LAMP2: variants seen among roughly 807,000 people sequenced by gnomAD.
LAMP2 encodes lysosome associated membrane protein 2, also known as lysosome-associated membrane glycoprotein 2.
Under a neutral mutation model 25.6 loss-of-function variants are expected in LAMP2, and 4 were observed. The observed-to-expected ratio is 0.16, with a 90% CI of 0.08 to 0.36. The LOEUF is 0.36. Among genes scored for constraint, LAMP2 ranks in the 10% least tolerant of loss-of-function variants. LAMP2 has a pLI of 1.00. For synonymous variants in LAMP2, 108 were observed against 112.7 expected, an observed-to-expected ratio of 0.96 and a Z score of 0.27; for missense variants, 272 against 301.4, an observed-to-expected ratio of 0.90 and a Z score of 0.72.
chrX:120,438,174 A>G (rs2058554220), intron 8 of LAMP2: 1 of 752,634 alleles, frequency 1.3e-6, no homozygotes, highest in Non-Finnish European at 1.6e-6. Flanking sequence ...AAGTTATTTT[A>G]TAAGTGTAAG....
At chrX:120,441,998 G>A (rs1285504241) in intron 7 of LAMP2, 104 bp from the exon 8 acceptor site, 1 of 733,621 alleles carries the variant, frequency 1.4e-6, no homozygotes, top group African/African-American at 2.1e-5. Context: ...CAGCACTTTG[G>A]GAAGCCAAGG....
rs1569369724 is a variant in LAMP2, at chrX:120,448,006, G to A, written c.576C>T (p.Asp192=). The A allele has an allele frequency of 8.3e-7, 1 of 1,210,008 alleles. No individual in the cohort carries two copies. Among genetic ancestry groups the A allele is most frequent in the Admixed American group, 2.2e-5 (1 of 45,990 alleles). Residue 192 remains aspartate (D), a synonymous_variant, in exon 5 of 9, where the codon GAC becomes GAT. Coordinates refer to ENST00000200639, the MANE Select transcript of LAMP2 (RefSeq NM_002294.3). ...TGGTGGGTGCCACTGTTGAAGTTTTGTCTTTATCACACAGGAACTCTAAAA... is the reference window on the plus strand; with the variant it reads ...TGGTGGGTGCCACTGTTGAAGTTTTATCTTTATCACACAGGAACTCTAAAA... ...VSTNEFLCDK[D]KTSTVAPTIH...
At position 120,427,168 on chromosome X, in the gene LAMP2, C is replaced by T. The variant is rs1317885695; in HGVS notation, c.*4155G>A. The stretch of plus-strand genomic sequence containing the variant: ...AGGTTCAGGCTTAATTTTTTTAATC[C>T]AAAAAAAATTTCTGAAGTGAAGGCA... On this transcript the variant is annotated 3_prime_UTR_variant, in exon 9 of 9. Transcript: ENST00000200639. 6.3e-5 allele frequency among the ~76,000 whole-genome samples: 7 copies of T among 110,461 alleles called. No homozygotes were observed. The highest frequency in any genetic ancestry group is 2.3e-4 in the African/African-American group (7 of 30,420).
At chrX:120,449,224 G>T in intron 3 of LAMP2, 96 bp from the exon 4 acceptor site, 3 of 683,568 alleles carry the variant, frequency 4.4e-6, no homozygotes, top group Admixed American at 2.8e-5. Flanking sequence ...CTCTCTGCCT[G>T]CCCTACCCCA....
intron 3 of LAMP2, among the ~76,000 whole-genome samples, chrX:120,449,334 G>A (rs996623459): frequency 3.6e-4 from 41 of 112,730 alleles, no homozygotes; most frequent in African/African-American, 1.2e-3. Flanking sequence ...GGGGTTAGGG[G>A]CTGGGCACAG....
At chrX:120,458,120 C>T (rs953488420) in intron 1 of LAMP2, among the ~76,000 whole-genome samples, 3 of 111,857 alleles carry the variant, frequency 2.7e-5, no homozygotes, top group Non-Finnish European at 3.8e-5. Flanking sequence ...AGCTGTTATA[C>T]TTACTGATCC....
At chrX:120,452,691 A>G (rs1313860386) in intron 3 of LAMP2, among the ~76,000 whole-genome samples, 1 of 103,470 alleles carries the variant, frequency 9.7e-6, no homozygotes, top group Non-Finnish European at 2.0e-5. Context: ...CTGGGACCAC[A>G]GGCACACGCC....
intron 3 of LAMP2, among the ~76,000 whole-genome samples, chrX:120,454,292 C>G (rs1178347055): frequency 9.1e-6 from 1 of 109,708 alleles, no homozygotes; most frequent in Non-Finnish European, 1.9e-5. Flanking sequence ...TTTTAGGCAT[C>G]TACGGGAGAT....
intron 3 of LAMP2, among the ~76,000 whole-genome samples, chrX:120,450,115 G>A (rs766768423): frequency 1.8e-5 from 2 of 112,249 alleles, no homozygotes; most frequent in South Asian, 7.3e-4. Flanking sequence ...TGAGCTTATA[G>A]AACCGCTTCC....
intron 8 of LAMP2, among the ~76,000 whole-genome samples, chrX:120,436,031 A>G (rs960970633): frequency 2.7e-5 from 3 of 110,754 alleles, no homozygotes; most frequent in Non-Finnish European, 5.7e-5. Context: ...GAATTGAGAA[A>G]AGTGTACAAA....
intron 5 of LAMP2, 91 bp from the exon 6 acceptor site, chrX:120,446,518 C>T (rs937056510): frequency 1.4e-4 from 137 of 965,292 alleles, no homozygotes; most frequent in Non-Finnish European, 1.9e-4. Context: ...TCAACTTCAG[C>T]GTAGAACAAA....
intron 6 of LAMP2, 66 bp downstream of exon 6, chrX:120,446,239 A>T: frequency 1.0e-6 from 1 of 960,795 alleles, no homozygotes; most frequent in Non-Finnish European, 1.5e-6. Context: ...CCCCCCATGC[A>T]ACTATTTAGA....
At position 120,429,755 on chromosome X, in the gene LAMP2, T is replaced by C. The variant is rs1174287559; in HGVS notation, c.*1568A>G. The C allele has an allele frequency of 1.3e-6, 1 of 752,405 alleles. No homozygotes were observed. Among genetic ancestry groups the C allele is most frequent in the Non-Finnish European group, 1.6e-6 (1 of 638,991 alleles). The allele number at this position is 752,405 out of a possible 1,213,427, so 62.0% of individuals were successfully genotyped here. ...TCATTAGGGGCAATTTTTATCAAAA[T>C]GCTAGTAATAGTTTTGTTGCCCACT... is the stretch of plus-strand genomic sequence containing the variant. On this transcript the variant is annotated 3_prime_UTR_variant, in exon 9 of 9. Coordinates refer to ENST00000200639, the MANE Select transcript of LAMP2 (RefSeq NM_002294.3).
At chrX:120,454,244 CAT>C (rs1602539123) in intron 3 of LAMP2, among the ~76,000 whole-genome samples, 1 of 102,034 alleles carries the variant, frequency 9.8e-6, no homozygotes, top group African/African-American at 3.6e-5. Context: ...AAAAAAAAAA[CAT>C]AGCATTTCCT....
At chrX:120,438,374 A>G in intron 8 of LAMP2, 1 of 751,057 alleles carries the variant, frequency 1.3e-6, no homozygotes, top group Non-Finnish European at 1.6e-6. Flanking sequence ...GCAAGCAATT[A>G]TCTCTAAAGC....
At position 120,429,373 on chromosome X, in the gene LAMP2, T is replaced by C. The variant is rs770516462; in HGVS notation, c.*1950A>G. The C allele has an allele frequency of 1.7e-6, 1 of 590,889 alleles. No homozygotes were observed. Among genetic ancestry groups the C allele is most frequent in the East Asian group, 1.7e-4 (1 of 5,886 alleles). The allele number at this position is 590,889 out of a possible 1,213,427, so 48.7% of individuals were successfully genotyped here. A position where few individuals can be genotyped will look rare whatever the true frequency, so the allele number is the denominator to read the frequency against. ...GCCAAAGGACCTTGGGCAAGTTATT[T>C]AAACTGGGCCTCACTTTCCTCATCT... On this transcript the variant is annotated 3_prime_UTR_variant, in exon 9 of 9. Coordinates refer to ENST00000200639, the MANE Select transcript of LAMP2 (RefSeq NM_002294.3).
intron 8 of LAMP2, among the ~76,000 whole-genome samples, chrX:120,435,471 A>G (rs759008411): frequency 8.9e-6 from 1 of 112,222 alleles, no homozygotes; most frequent in Non-Finnish European, 1.9e-5. Context: ...AAAATGTCCA[A>G]GTCTTATAAG....
chrX:120,447,143 C>T (rs768463062), intron 5 of LAMP2, among the ~76,000 whole-genome samples: 57 of 112,491 alleles, frequency 5.1e-4, no homozygotes, highest in Non-Finnish European at 9.0e-4. Context: ...CGGTGGCTCA[C>T]GCCTGTAATT....
intron 3 of LAMP2, among the ~76,000 whole-genome samples, chrX:120,454,252 T>A (rs1834915728): frequency 9.1e-6 from 1 of 110,163 alleles, no homozygotes; most frequent in African/African-American, 3.3e-5. Flanking sequence ...AACATAGCAT[T>A]TCCTGTATAG....
Sources: gnomAD v4.1 joint callset for allele counts (sites outside exome capture counted in the v4.1 genomes callset) on GRCh38, gnomAD v4.1.1 for gene constraint, MANE v1.5 for transcripts, NCBI Gene and HGNC (gene_info 2026-07-23, HGNC 2026-07-21) for gene names.